Variants in CCDC149 observed in about 807,000 individuals in gnomAD.
The protein encoded by CCDC149 is coiled-coil domain-containing protein 149.
Under a neutral mutation model 59.9 loss-of-function variants are expected in CCDC149, and 45 were observed. That is an observed-to-expected ratio of 0.75 (90% CI 0.59 to 0.96). The LOEUF (loss-of-function observed/expected upper bound fraction) is 0.96, where lower values mean the gene tolerates loss of function less well. Ranked by LOEUF, CCDC149 falls within the 40% of genes least tolerant of loss-of-function variation. The probability of loss-of-function intolerance (pLI) is 0.00; values close to 1 mark genes in which losing one functional copy is unlikely to be tolerated. For synonymous variants in CCDC149, 245 were observed against 260.6 expected, an observed-to-expected ratio of 0.94 and a Z score of 0.58; for missense variants, 584 against 664.7, an observed-to-expected ratio of 0.88 and a Z score of 1.33.
At chr4:24,836,576 G>C in intron 6 of CCDC149, 68 bp from the exon 7 acceptor site, 1 of 1,122,700 alleles carries the variant, frequency 8.9e-7, no homozygotes, top group Non-Finnish European at 1.3e-6. Flanking sequence ...TGAAGTATAA[G>C]GGGAAAAAAC....
chr4:24,813,489 A>AATATATCTATATCTATATATATATATAT (rs1186488610), intron 12 of CCDC149, among the ~76,000 whole-genome samples: 10 of 113,732 alleles, frequency 8.8e-5, no homozygotes, highest in African/African-American at 4.0e-4. Context: ...CAGCTTGGGG[A>AATATATCTATATCTATATATATATATAT]ATATATATAT....
At chr4:24,870,752 G>A (rs777689617) in intron 3 of CCDC149, among the ~76,000 whole-genome samples, 1 of 152,084 alleles carries the variant, frequency 6.6e-6, no homozygotes. Context: ...TAGCAGCAAA[G>A]GTGCTGCTTA....
chr4:24,874,345 C>T (rs186300261), intron 2 of CCDC149, among the ~76,000 whole-genome samples: 13 of 144,416 alleles, frequency 9.0e-5, no homozygotes, highest in African/African-American at 3.1e-4. Flanking sequence ...CTTTGGGAGG[C>T]CAAGGTGGGC....
intron 4 of CCDC149, among the ~76,000 whole-genome samples, chr4:24,850,851 G>C (rs1469903389): frequency 6.6e-6 from 1 of 152,114 alleles, no homozygotes; most frequent in Non-Finnish European, 1.5e-5. Flanking sequence ...GGCCTCTGGT[G>C]GGGGTTGGGG....
chr4:24,838,110 A>C (rs763554245), intron 5 of CCDC149, 46 bp downstream of exon 5: 20 of 1,403,874 alleles, frequency 1.4e-5, no homozygotes, highest in Admixed American at 8.4e-5. Context: ...TGTTGTGTCC[A>C]GCTGTGCAAA....
chr4:24,822,454 GA>G (rs760256106), intron 10 of CCDC149, 42 bp downstream of exon 10: 50,971 of 924,640 alleles, frequency 0.055, 40 homozygotes, highest in South Asian at 0.08. Flanking sequence ...TTAAAAAAAA[GA>G]AAAAAAAAAA....
intron 1 of CCDC149, among the ~76,000 whole-genome samples, chr4:24,880,691 G>A (rs1719783224): frequency 6.6e-6 from 1 of 152,168 alleles, no homozygotes; most frequent in Non-Finnish European, 1.5e-5. Flanking sequence ...GCATTAGAAG[G>A]AACCCAAATT....
intron 1 of CCDC149, among the ~76,000 whole-genome samples, chr4:24,887,526 A>G (rs1720258033): frequency 6.6e-6 from 1 of 152,162 alleles, no homozygotes; most frequent in African/African-American, 2.4e-5. Flanking sequence ...CCTGATCACC[A>G]CCTACTCACT....
chr4:24,970,163 C>G (rs1304864932), intron 1 of CCDC149, among the ~76,000 whole-genome samples: 2 of 152,218 alleles, frequency 1.3e-5, no homozygotes, highest in Non-Finnish European at 2.9e-5. Context: ...AGTATCTGTG[C>G]CTACTCAGTC....
intron 9 of CCDC149, chr4:24,830,739 A>G (rs1002140682): frequency 5.3e-5 from 8 of 152,202 alleles, no homozygotes; most frequent in African/African-American, 1.9e-4. Flanking sequence ...CCAGTGCAAA[A>G]TAAAAATGTG....
chr4:24,873,828 C>A, intron 2 of CCDC149, 109 bp from the exon 3 acceptor site: 1 of 753,586 alleles, frequency 1.3e-6, no homozygotes, highest in East Asian at 2.6e-5. Flanking sequence ...CCCACCCTCC[C>A]CACCCTGCAG....
chr4:24,839,413 T>C (rs1716796133), intron 4 of CCDC149, among the ~76,000 whole-genome samples: 1 of 152,016 alleles, frequency 6.6e-6, no homozygotes, highest in Non-Finnish European at 1.5e-5. Context: ...TCTCCTGACC[T>C]TGTGATCCGC....
At chr4:24,926,981 C>G (rs1019145872) in intron 1 of CCDC149, among the ~76,000 whole-genome samples, 1 of 152,174 alleles carries the variant, frequency 6.6e-6, no homozygotes, top group Non-Finnish European at 1.5e-5. Context: ...TTGCAGTGGA[C>G]TAAGCAGAAG....
intron 1 of CCDC149, among the ~76,000 whole-genome samples, chr4:24,946,456 A>C (rs534459300): frequency 3.9e-5 from 6 of 152,364 alleles, no homozygotes; most frequent in African/African-American, 1.4e-4. Flanking sequence ...GAATCATTCA[A>C]ACATAACACT....
intron 8 of CCDC149, among the ~76,000 whole-genome samples, chr4:24,834,007 G>C (rs958719975): frequency 1.3e-5 from 2 of 152,300 alleles, no homozygotes; most frequent in African/African-American, 4.8e-5. Context: ...TTCAAAGATG[G>C]TTTGCTATAT....
chr4:24,923,513 T>C (rs1039224971), intron 1 of CCDC149, among the ~76,000 whole-genome samples: 2 of 152,108 alleles, frequency 1.3e-5, no homozygotes, highest in Admixed American at 1.3e-4. Context: ...AGAGATCTAA[T>C]AGGGAATCTA....
chr4:24,837,322 C>G lies in CCDC149; in HGVS notation c.568G>C (p.Asp190His). ...TCCTGGTTGAGCCTCTCCACTTTGT[C>G]CTGGTAGGAAGACCGTTCTTCTTTA... Residue 190 changes from aspartate to histidine, a missense_variant, in exon 6 of 13, where the codon GAC becomes CAC. Transcript: ENST00000635206. This position sits in a 1 kb window ranked among gnomAD's most constrained non-coding sequence, Gnocchi z 4.3. 3 of 1,614,162 alleles carry G rather than the reference C, an allele frequency of 1.9e-6. No individual in the cohort carries two copies. The highest frequency in any genetic ancestry group is 2.5e-6 in the Non-Finnish European group (3 of 1,180,042).
chr4:24,934,235 G>A (rs1577492613), intron 1 of CCDC149, among the ~76,000 whole-genome samples: 1 of 152,148 alleles, frequency 6.6e-6, no homozygotes, highest in African/African-American at 2.4e-5. Flanking sequence ...ATTGAACCAT[G>A]GGGGTTGTTT....
At chr4:24,865,191 AAAGT>A (rs1718624655) in intron 3 of CCDC149, among the ~76,000 whole-genome samples, 1 of 152,224 alleles carries the variant, frequency 6.6e-6, no homozygotes, top group South Asian at 2.1e-4. Context: ...TTTCTCAAGA[AAAGT>A]AAGGAAAAAG....
Sources: gnomAD v4.1 joint callset for allele counts (sites outside exome capture counted in the v4.1 genomes callset) on GRCh38, gnomAD v4.1.1 for gene constraint, Gnocchi (gnomAD v3.1) non-coding constraint, MANE v1.5 for transcripts, NCBI Gene and HGNC (gene_info 2026-07-23, HGNC 2026-07-21) for gene names.